The following EPHA6 variants were observed in gnomAD, a reference collection of about 807,000 sequenced individuals.
The protein encoded by EPHA6 is EPH receptor A6, also known as ephrin type-A receptor 6.
In EPHA6, 50 loss-of-function variants were observed where a neutral mutation model predicts 112.0. The ratio of observed to expected loss-of-function variants is 0.45; its 90% CI spans 0.36 to 0.56. EPHA6 has a LOEUF of 0.56. Ranked by LOEUF, EPHA6 falls within the 20% of genes least tolerant of loss-of-function variation. The pLI, the probability that EPHA6 is intolerant of heterozygous loss-of-function variation, is 0.00. For missense variants in EPHA6, 1,280 were observed against 1,417.4 expected (o/e 0.90, Z 1.56); for synonymous variants, 529 against 490.7 (o/e 1.08, Z -1.03).
At chr3:97,630,109 C>A (rs2093890664) in intron 13 of EPHA6, among the ~76,000 whole-genome samples, 1 of 151,848 alleles carries the variant, frequency 6.6e-6, no homozygotes, top group Non-Finnish European at 1.5e-5. Context: ...TCCATATCTA[C>A]TTATGTTCTT....
chr3:97,680,967 T>C (rs1036192985), intron 14 of EPHA6, among the ~76,000 whole-genome samples: 1 of 151,994 alleles, frequency 6.6e-6, no homozygotes, highest in African/African-American at 2.4e-5. Flanking sequence ...TAGGAAAATA[T>C]ACAAAATTAA....
At chr3:96,917,831 A>G (rs1341887649) in intron 2 of EPHA6, among the ~76,000 whole-genome samples, 2 of 152,168 alleles carry the variant, frequency 1.3e-5, no homozygotes, top group Non-Finnish European at 2.9e-5. Context: ...CCAGTGTAAG[A>G]ACTCTGGCTT....
rs578046508 is a variant in EPHA6, at chr3:96,872,125, T to C, written c.450+5236T>C. 4.5e-4 allele frequency among the ~76,000 whole-genome samples: 69 copies of C among 152,272 alleles called. No individual in the cohort carries two copies. The Middle Eastern group carries it at 0.01, about 23-fold the overall frequency. On this transcript the variant is annotated intron_variant, in intron 2 of 17. Coordinates refer to ENST00000389672, the MANE Select transcript of EPHA6 (RefSeq NM_001080448.3). Reference sequence around the variant, plus strand: ...ATCAGCCTGCAAATGAACAGCCTCCTGCACAAAATCTTATGTGATAGCTGA... The same window carrying C: ...ATCAGCCTGCAAATGAACAGCCTCCCGCACAAAATCTTATGTGATAGCTGA...
At chr3:97,247,901 A>AT (rs1382870100) in intron 5 of EPHA6, among the ~76,000 whole-genome samples, 1 of 151,896 alleles carries the variant, frequency 6.6e-6, no homozygotes. Context: ...TATATTAATT[A>AT]TTTTTTCCTA....
At chr3:97,149,792 CTT>C (rs1382366799) in intron 3 of EPHA6, among the ~76,000 whole-genome samples, 1 of 150,790 alleles carries the variant, frequency 6.6e-6, no homozygotes, top group African/African-American at 2.4e-5. Flanking sequence ...TAAGTACAAA[CTT>C]ATTTTTAGAT....
At chr3:96,989,186 A>G (rs2043129228) in intron 3 of EPHA6, among the ~76,000 whole-genome samples, 2 of 152,166 alleles carry the variant, frequency 1.3e-5, no homozygotes, top group African/African-American at 4.8e-5. Context: ...CTGTATGCAT[A>G]TAATGGTCAT....
At chr3:97,229,405 G>C (rs960842381) in intron 4 of EPHA6, among the ~76,000 whole-genome samples, 1 of 152,158 alleles carries the variant, frequency 6.6e-6, no homozygotes, top group Non-Finnish European at 1.5e-5. Context: ...TCAGGTGAGA[G>C]ATGAGGATCC....
At chr3:96,870,333 G>C (rs1316982864) in intron 2 of EPHA6, among the ~76,000 whole-genome samples, 1 of 152,026 alleles carries the variant, frequency 6.6e-6, no homozygotes, top group Non-Finnish European at 1.5e-5. Flanking sequence ...CAAGAACGAG[G>C]AGCTCTGATT....
chr3:97,532,963 C>T (rs768152917), intron 11 of EPHA6, among the ~76,000 whole-genome samples: 5 of 151,620 alleles, frequency 3.3e-5, no homozygotes, highest in Middle Eastern at 3.2e-3. Context: ...AACAAAAATT[C>T]GGCATGGAAC....
chr3:97,744,000 G>T lies in EPHA6; in HGVS notation c.3129-3423G>T, dbSNP rs534611634. On this transcript the variant is annotated intron_variant, in intron 16 of 17. Coordinates refer to ENST00000389672, the MANE Select transcript of EPHA6 (RefSeq NM_001080448.3). ...GGGCTCATTAGAGTAAAAACTTCTG[G>T]ACTCTTACCAGAGCTACTCATTTTT... is the stretch of plus-strand genomic sequence containing the variant. 5.6e-4 allele frequency among the ~76,000 whole-genome samples: 85 copies of T among 151,912 alleles called. 1 individual carries two copies. The highest frequency in any genetic ancestry group is 9.7e-4 in the Non-Finnish European group (66 of 67,852).
At chr3:97,703,036 T>A (rs2033483438) in intron 14 of EPHA6, among the ~76,000 whole-genome samples, 1 of 152,116 alleles carries the variant, frequency 6.6e-6, no homozygotes, top group Non-Finnish European at 1.5e-5. Context: ...TTAGGGCTCA[T>A]GAGAAAGAAA....
chr3:97,591,860 C>T (rs2107344632), intron 11 of EPHA6, among the ~76,000 whole-genome samples: 1 of 152,266 alleles, frequency 6.6e-6, no homozygotes, highest in African/African-American at 2.4e-5. Flanking sequence ...TGACTCCCCT[C>T]CTTAGGTCTC....
At chr3:97,356,466 C>T (rs529803460) in intron 5 of EPHA6, among the ~76,000 whole-genome samples, 4 of 152,284 alleles carry the variant, frequency 2.6e-5, no homozygotes, top group African/African-American at 9.6e-5. Context: ...ACAGCTGTTT[C>T]ACTATGTCTT....
chr3:96,976,695 G>C (rs188716601), intron 2 of EPHA6, among the ~76,000 whole-genome samples: 1 of 152,072 alleles, frequency 6.6e-6, no homozygotes, highest in Non-Finnish European at 1.5e-5. Flanking sequence ...GGTCTTGCCC[G>C]TTCACTCCTC....
chr3:97,391,712 C>G (rs1345389609), intron 5 of EPHA6, among the ~76,000 whole-genome samples: 2 of 151,774 alleles, frequency 1.3e-5, no homozygotes, highest in Non-Finnish European at 2.9e-5. Flanking sequence ...ACATAAAAGC[C>G]AATTCCATCT....
intron 16 of EPHA6, among the ~76,000 whole-genome samples, chr3:97,739,348 C>A (rs1167328152): frequency 6.6e-6 from 1 of 152,026 alleles, no homozygotes; most frequent in Non-Finnish European, 1.5e-5. Flanking sequence ...TGCTAGGTCC[C>A]CATGGTTTTT....
chr3:97,047,862 T>C (rs1051676403), intron 3 of EPHA6, among the ~76,000 whole-genome samples: 7 of 152,076 alleles, frequency 4.6e-5, no homozygotes, highest in Non-Finnish European at 1.0e-4. Flanking sequence ...AATGCTGTAG[T>C]TGATGTCGAT....
intron 3 of EPHA6, among the ~76,000 whole-genome samples, chr3:97,036,451 T>C (rs1445624927): frequency 6.6e-6 from 1 of 152,048 alleles, no homozygotes; most frequent in Non-Finnish European, 1.5e-5. Flanking sequence ...AAAATCATTA[T>C]TAAAAACTGA....
At chr3:97,592,188 A>G (rs1396265552) in intron 11 of EPHA6, among the ~76,000 whole-genome samples, 1 of 152,212 alleles carries the variant, frequency 6.6e-6, no homozygotes, top group Non-Finnish European at 1.5e-5. Context: ...ATAGAGATAG[A>G]CCTAAAGTAA....
Sources: gnomAD v4.1 joint callset for allele counts (sites outside exome capture counted in the v4.1 genomes callset) on GRCh38, gnomAD v4.1.1 for gene constraint, MANE v1.5 for transcripts, NCBI Gene and HGNC (gene_info 2026-07-23, HGNC 2026-07-21) for gene names.